NAV2: variants seen among roughly 807,000 people sequenced by gnomAD.
NAV2 encodes helicase, APC down-regulated 1.
NAV2 carries 54 observed loss-of-function variants against 223.2 expected under a neutral mutation model. The ratio of observed to expected loss-of-function variants is 0.24; its 90% CI spans 0.19 to 0.30. The LOEUF is 0.30. Ranked by LOEUF, NAV2 falls within the 10% of genes least tolerant of loss-of-function variation. The probability of loss-of-function intolerance (pLI) is 1.00; values close to 1 mark genes in which losing one functional copy is unlikely to be tolerated. For missense variants in NAV2, 2,806 were observed against 3,147.5 expected, an observed-to-expected ratio of 0.89 and a Z score of 2.60; for synonymous variants, 1,279 against 1,239.3, an observed-to-expected ratio of 1.03 and a Z score of -0.67.
chr11:19,848,392 A>G (rs2060924395), intron 3 of NAV2, among the ~76,000 whole-genome samples: 1 of 152,208 alleles, frequency 6.6e-6, no homozygotes, highest in Admixed American at 6.5e-5. Flanking sequence ...GATGTAGCCT[A>G]GGAAGGAACA....
At position 20,077,901 on chromosome 11, in the gene NAV2, C is replaced by T; in HGVS notation, c.5068-92C>T. ...AAAGGTTTTGTTGAGCTACTTCATT[C>T]CCGCTCCTCCTGTGTTGAAGCCAAG... On this transcript the variant is annotated intron_variant, in intron 23 of 37. Coordinates refer to ENST00000349880, the MANE Select transcript of NAV2 (RefSeq NM_145117.5). The T allele has an allele frequency of 1.4e-5, 14 of 985,352 alleles. No homozygotes were observed. The South Asian group carries it at 1.7e-4, about 12-fold the overall frequency. 61.0% of individuals were successfully genotyped at this position (985,352 alleles called of 1,614,324 possible).
intron 1 of NAV2, among the ~76,000 whole-genome samples, chr11:19,793,498 A>G (rs2057685310): frequency 6.6e-6 from 1 of 152,026 alleles, no homozygotes; most frequent in South Asian, 2.1e-4. Context: ...CAGCACTAGC[A>G]CTCTTTGTCA....
chr11:19,738,959 G>A (rs1208329943), intron 1 of NAV2, among the ~76,000 whole-genome samples: 4 of 152,154 alleles, frequency 2.6e-5, no homozygotes, highest in Admixed American at 2.6e-4. Context: ...ATGGAAAAAT[G>A]GAATTAGAAA....
At chr11:19,931,417 C>T (rs529439311) in intron 6 of NAV2, among the ~76,000 whole-genome samples, 32 of 152,260 alleles carry the variant, frequency 2.1e-4, no homozygotes, top group African/African-American at 7.7e-4. Context: ...GTGGCTTCCC[C>T]GAGCAGCTGA....
At chr11:19,637,257 T>A (rs1054116713) in intron 1 of NAV2, among the ~76,000 whole-genome samples, 4 of 152,120 alleles carry the variant, frequency 2.6e-5, no homozygotes, top group African/African-American at 9.7e-5. Flanking sequence ...GAGTTGAGAT[T>A]TGGCCTCCTG....
chr11:20,068,434 G>A (rs1366844429), intron 22 of NAV2, 36 bp downstream of exon 22: 1 of 1,499,280 alleles, frequency 6.7e-7, no homozygotes, highest in South Asian at 1.1e-5. Context: ...ATCGGGACAG[G>A]AAGCACCATC....
chr11:19,370,041 A>G (rs1848419572), intron 1 of NAV2, among the ~76,000 whole-genome samples: 3 of 152,214 alleles, frequency 2.0e-5, no homozygotes, highest in Admixed American at 2.0e-4. Flanking sequence ...TGGTTTGGGC[A>G]GAATATCAGC....
chr11:19,933,920 C>A lies in NAV2; in HGVS notation c.1676C>A (p.Pro559His). 1 of 1,589,272 alleles carries A rather than the reference C, an allele frequency of 6.3e-7. No individual in the cohort carries two copies. The highest frequency in any genetic ancestry group is 8.5e-7 in the Non-Finnish European group (1 of 1,170,832). Residue 559 changes from proline to histidine, a missense_variant, in exon 7 of 38, where the codon CCT becomes CAT. Physicochemically the swap from Pro to His is moderately conservative, Grantham distance 77 (BLOSUM62 -2). This residue lies in a region of NAV2 where 1,167 missense variants were observed against 1,180.5 expected (regional missense o/e 0.99). Transcript: ENST00000349880. The surrounding 1 kb of genome is among the most constrained non-coding windows in gnomAD (Gnocchi z 4.3). ...LNSAKKEPMA[P>H]SHSGIPKPGM... Reference sequence around the variant, plus strand: ...AGTGCCAAGAAGGAGCCCATGGCCCCTTCCCACAGTGGAATACCAAAACCA... The same window carrying A: ...AGTGCCAAGAAGGAGCCCATGGCCCATTCCCACAGTGGAATACCAAAACCA...
intron 6 of NAV2, among the ~76,000 whole-genome samples, chr11:19,896,950 A>G (rs370187657): frequency 2.2e-3 from 340 of 152,270 alleles, no homozygotes; most frequent in African/African-American, 7.8e-3. Context: ...TTATTGCGGC[A>G]CTATTCACAA....
chr11:20,081,137 A>C (rs2060067834), intron 25 of NAV2, among the ~76,000 whole-genome samples: 1 of 152,232 alleles, frequency 6.6e-6, no homozygotes, highest in Non-Finnish European at 1.5e-5. Flanking sequence ...TGATACAGAC[A>C]TCAGGGGTTT....
At chr11:20,112,397 G>A (rs999572631) in intron 36 of NAV2, among the ~76,000 whole-genome samples, 1 of 152,172 alleles carries the variant, frequency 6.6e-6, no homozygotes, top group Non-Finnish European at 1.5e-5. Context: ...AAGGCAATGA[G>A]TCATAGGAGG....
intron 1 of NAV2, among the ~76,000 whole-genome samples, chr11:19,581,310 T>A (rs1469106561): frequency 6.6e-6 from 1 of 152,222 alleles, no homozygotes; most frequent in East Asian, 1.9e-4. Flanking sequence ...GCACTCTTTG[T>A]ATCTTGTTTA....
intron 1 of NAV2, among the ~76,000 whole-genome samples, chr11:19,656,856 A>G (rs1459897167): frequency 2.0e-5 from 3 of 152,158 alleles, no homozygotes; most frequent in Non-Finnish European, 2.9e-5. Context: ...GGAGCTGGCT[A>G]TGTTTGCTTG....
At position 19,713,602 on chromosome 11, in the gene NAV2, C is replaced by A; in HGVS notation, c.-94C>A. The A allele has an allele frequency of 1.4e-6, 2 of 1,446,636 alleles. No individual in the cohort carries two copies. The highest frequency in any genetic ancestry group is 1.8e-6 in the Non-Finnish European group (2 of 1,099,030). The allele number at this position is 1,446,636 out of a possible 1,614,324, so 89.6% of individuals were successfully genotyped here. On this transcript the variant is annotated 5_prime_UTR_variant, in exon 1 of 38. Transcript: ENST00000349880. The surrounding 1 kb of genome is among the most constrained non-coding windows in gnomAD (Gnocchi z 7.2). The stretch of plus-strand genomic sequence containing the variant: ...GTGGTGGGCGCCTCGTGGGCTAAGG[C>A]CCGGCGCCTGCTCTGCTACCCGCGC...
intron 6 of NAV2, among the ~76,000 whole-genome samples, chr11:19,924,295 TA>T (rs76734395): frequency 0.041 from 5,268 of 129,556 alleles, 253 homozygotes; most frequent in African/African-American, 0.14. Context: ...GGTAATTCTT[TA>T]AAAAAAAAAA....
At chr11:19,983,763 C>A (rs2050508195) in intron 10 of NAV2, among the ~76,000 whole-genome samples, 1 of 152,118 alleles carries the variant, frequency 6.6e-6, no homozygotes, top group Non-Finnish European at 1.5e-5. Context: ...AGTTCCATTT[C>A]CGTTACTCAG....
chr11:19,847,138 A>C (rs189818248), intron 3 of NAV2, among the ~76,000 whole-genome samples: 1 of 152,256 alleles, frequency 6.6e-6, no homozygotes, highest in Admixed American at 6.5e-5. Flanking sequence ...TGGAAGGAAA[A>C]ACATTGCTTG....
chr11:19,626,744 C>T (rs912763797), intron 1 of NAV2, among the ~76,000 whole-genome samples: 1 of 152,162 alleles, frequency 6.6e-6, no homozygotes, highest in Non-Finnish European at 1.5e-5. Context: ...TCTTTTACTG[C>T]TTCTGTTAAC....
chr11:20,091,633 G>A (rs934237157), intron 27 of NAV2, among the ~76,000 whole-genome samples: 9 of 152,094 alleles, frequency 5.9e-5, no homozygotes, highest in African/African-American at 1.9e-4. Context: ...TGTGGACATA[G>A]CACCAATGCC....
Sources: allele counts gnomAD v4.1 joint callset (sites outside exome capture counted in the v4.1 genomes callset), GRCh38; gene constraint gnomAD v4.1.1; regional missense constraint gnomAD v4.1.1; non-coding constraint Gnocchi (gnomAD v3.1); transcripts MANE v1.5; gene names NCBI Gene and HGNC (gene_info 2026-07-23, HGNC 2026-07-21).